Variants in RAB31 observed in about 807,000 individuals in gnomAD.
RAB31 encodes ras-related protein Rab-31.
In RAB31, 21 loss-of-function variants were observed where a neutral mutation model predicts 25.6. The observed-to-expected ratio is 0.82, with a 90% CI of 0.58 to 1.18. RAB31 has a LOEUF of 1.18. Ranked by LOEUF, RAB31 falls within the 50% of genes most tolerant of loss-of-function variation. The pLI, the probability that RAB31 is intolerant of heterozygous loss-of-function variation, is 0.00. For missense variants in RAB31, 196 were observed against 250.1 expected (o/e 0.78, Z 1.46); for synonymous variants, 87 against 84.0 (o/e 1.04, Z -0.20).
intron 3 of RAB31, among the ~76,000 whole-genome samples, chr18:9,800,498 A>G (rs2068508590): frequency 6.6e-6 from 1 of 152,166 alleles, no homozygotes; most frequent in Non-Finnish European, 1.5e-5. Flanking sequence ...AATGGTTTCT[A>G]AAAAGAGCCC....
intron 3 of RAB31, among the ~76,000 whole-genome samples, chr18:9,808,202 A>G (rs1299634745): frequency 3.3e-5 from 5 of 152,210 alleles, no homozygotes; most frequent in African/African-American, 1.2e-4. Flanking sequence ...CTCTAACAAC[A>G]CATTCAAAGA....
intron 1 of RAB31, among the ~76,000 whole-genome samples, chr18:9,724,891 T>C (rs1377958989): frequency 2.6e-5 from 4 of 152,152 alleles, no homozygotes; most frequent in Non-Finnish European, 5.9e-5. Context: ...AAATAACAAC[T>C]TGTTAATATT....
intron 1 of RAB31, chr18:9,722,653 G>T (rs183625283): frequency 6.6e-6 from 1 of 152,102 alleles, no homozygotes; most frequent in Admixed American, 6.6e-5. Context: ...ACTACCTCAG[G>T]GTCCATGAGA....
At chr18:9,731,418 CT>C (rs1208458794) in intron 1 of RAB31, among the ~76,000 whole-genome samples, 1 of 152,174 alleles carries the variant, frequency 6.6e-6, no homozygotes, top group Admixed American at 6.5e-5. Flanking sequence ...AGAAAATTAA[CT>C]TGTGCAAGGT....
intron 3 of RAB31, among the ~76,000 whole-genome samples, chr18:9,812,199 G>A (rs969827004): frequency 7.2e-5 from 11 of 152,160 alleles, no homozygotes; most frequent in Admixed American, 3.9e-4. Flanking sequence ...CCGCCACGTT[G>A]GGAGTTAGGG....
At chr18:9,786,523 C>G (rs376252682) in intron 2 of RAB31, among the ~76,000 whole-genome samples, 1 of 152,198 alleles carries the variant, frequency 6.6e-6, no homozygotes, top group African/African-American at 2.4e-5. Context: ...TGGAGGAGCA[C>G]TCTTGGGTAC....
At position 9,792,181 on chromosome 18, in the gene RAB31, T is replaced by G; in HGVS notation, c.147T>G (p.Pro49=). The part of the protein sequence containing the change: ...IGASFMTKTV[P]CGNELHKFLI... ...CATCTTTTATGACCAAAACTGTGCC[T>G]TGTGGAAATGAACTTCACAAGTTCC... The change falls in exon 3 of 7, where the codon CCT becomes CCG. Residue 49 remains proline, a synonymous_variant. Coordinates refer to ENST00000578921, the MANE Select transcript of RAB31 (RefSeq NM_006868.4). 1 of 1,612,364 alleles carries G rather than the reference T, an allele frequency of 6.2e-7. No homozygotes were observed. Among genetic ancestry groups the G allele is most frequent in the Non-Finnish European group, 8.5e-7 (1 of 1,179,144 alleles).
chr18:9,719,260 ACT>A (rs1219069720), intron 1 of RAB31, among the ~76,000 whole-genome samples: 3 of 100,210 alleles, frequency 3.0e-5, no homozygotes, highest in East Asian at 6.3e-4. Context: ...ACAGAGCAAG[ACT>A]CTGTCTCAAA....
At chr18:9,789,465 A>G (rs1366165061) in intron 2 of RAB31, among the ~76,000 whole-genome samples, 1 of 152,244 alleles carries the variant, frequency 6.6e-6, no homozygotes, top group Non-Finnish European at 1.5e-5. Flanking sequence ...TACACATTGC[A>G]TACATGTATG....
chr18:9,855,695 T>C (rs999652727), intron 6 of RAB31, among the ~76,000 whole-genome samples: 1 of 152,204 alleles, frequency 6.6e-6, no homozygotes, highest in Non-Finnish European at 1.5e-5. Flanking sequence ...CTCATTGTTA[T>C]GATCTGGCTT....
At chr18:9,836,847 C>T (rs369718460) in intron 5 of RAB31, among the ~76,000 whole-genome samples, 2,922 of 83,652 alleles carry the variant, frequency 0.035, no homozygotes, top group Non-Finnish European at 0.047. Flanking sequence ...GGGAAACACA[C>T]GGGGAGAGTC....
chr18:9,859,312 G>T lies in RAB31; in HGVS notation c.575G>T (p.Arg192Leu). The T allele has an allele frequency of 6.2e-7, 1 of 1,612,566 alleles. No individual in the cohort carries two copies. The highest frequency in any genetic ancestry group is 8.5e-7 in the Non-Finnish European group (1 of 1,178,672). Reference sequence around the variant, plus strand: ...GAGAAGCCAACCATGCAAGCCAGCCGCCGGTGCTGTTGACCCAAGGGCCGT... The same window carrying T: ...GAGAAGCCAACCATGCAAGCCAGCCTCCGGTGCTGTTGACCCAAGGGCCGT... ...KVEKPTMQAS[R>L]RCC Residue 192 changes from arginine to leucine, a missense_variant, in exon 7 of 7, where the codon CGC (arginine) becomes CTC (leucine). Coordinates refer to ENST00000578921, the MANE Select transcript of RAB31 (RefSeq NM_006868.4).
In RAB31 at chr18:9,860,642, T is replaced by A. The variant is rs554833910; in HGVS notation, c.*1317T>A. On this transcript the variant is annotated 3_prime_UTR_variant, in exon 7 of 7. Coordinates refer to ENST00000578921, the MANE Select transcript of RAB31 (RefSeq NM_006868.4). ...GAAGCAGCTGATTTCCTGCCAGGGCTTATATTAGGGGGTGATTCTTAAAGG... is the reference window on the plus strand; with the variant it reads ...GAAGCAGCTGATTTCCTGCCAGGGCATATATTAGGGGGTGATTCTTAAAGG... 1 of 114,214 alleles carries A rather than the reference T, an allele frequency of 8.8e-6. No individual in the cohort carries two copies. Among genetic ancestry groups the A allele is most frequent in the East Asian group, 3.7e-4 (1 of 2,730 alleles). 7.1% of individuals were successfully genotyped at this position (114,214 alleles called of 1,614,324 possible).
rs768931488 is a variant in RAB31 at position 9,859,355 on chromosome 18, G to A, written c.*30G>A. The A allele has an allele frequency of 3.8e-6, 6 of 1,570,296 alleles. No homozygotes were observed. In the South Asian group the frequency reaches 5.5e-5, roughly 15 times the overall value. ...AGGGCCGTGGTCCACGGTACTTGAA[G>A]AAGCCAGAGCCCACATCCTGTGCAC... On this transcript the variant is annotated 3_prime_UTR_variant, in exon 7 of 7. Transcript: ENST00000578921.
intron 3 of RAB31, among the ~76,000 whole-genome samples, chr18:9,812,593 A>G (rs575328100): frequency 1.1e-4 from 16 of 151,452 alleles, no homozygotes; most frequent in South Asian, 6.2e-4. Context: ...TTGGCAATGT[A>G]TATGTCTTCT....
At chr18:9,834,873 TATATTA>T (rs1397685779) in intron 5 of RAB31, among the ~76,000 whole-genome samples, 1 of 152,094 alleles carries the variant, frequency 6.6e-6, no homozygotes, top group African/African-American at 2.4e-5. Flanking sequence ...TAATGTAACT[TATATTA>T]ATATTAAGAA....
intron 1 of RAB31, among the ~76,000 whole-genome samples, chr18:9,762,729 C>T (rs1315390573): frequency 1.3e-5 from 2 of 152,096 alleles, no homozygotes; most frequent in East Asian, 1.9e-4. Flanking sequence ...CTCTTCTTCC[C>T]CATTTAAAAG....
At chr18:9,755,830 G>A (rs1418425075) in intron 1 of RAB31, among the ~76,000 whole-genome samples, 1 of 152,234 alleles carries the variant, frequency 6.6e-6, no homozygotes, top group African/African-American at 2.4e-5. Context: ...CAATGGAAGA[G>A]GAAGTGGGGG....
At chr18:9,772,061 A>G (rs2068348086) in intron 1 of RAB31, among the ~76,000 whole-genome samples, 1 of 152,208 alleles carries the variant, frequency 6.6e-6, no homozygotes, top group Admixed American at 6.5e-5. Context: ...AGCATTGTCA[A>G]GTGACTTCTT....
Sources: allele counts gnomAD v4.1 joint callset (sites outside exome capture counted in the v4.1 genomes callset), GRCh38; gene constraint gnomAD v4.1.1; transcripts MANE v1.5; gene names NCBI Gene and HGNC (gene_info 2026-07-23, HGNC 2026-07-21).